NXT2: variants seen among roughly 807,000 people sequenced by gnomAD.
NXT2 encodes the protein NTF2-related export protein 2.
In NXT2, 1 loss-of-function variant was observed where a neutral mutation model predicts 9.6. The ratio of observed to expected loss-of-function variants is 0.10; its 90% CI spans 0.04 to 0.49. NXT2 has a LOEUF of 0.49. NXT2 is among the 20% of genes least tolerant of loss of function. The probability of loss-of-function intolerance (pLI) is 0.95; values close to 1 mark genes in which losing one functional copy is unlikely to be tolerated. For synonymous variants in NXT2, 22 were observed against 35.4 expected (o/e 0.62, Z 1.34); for missense variants, 48 against 100.3 (o/e 0.48, Z 2.23).
In NXT2 at chrX:109,544,102, C is replaced by G. The variant is rs746228866; in HGVS notation, c.*1414C>G. ...TCTCTTAATTTCTAAAGGTAAATAA[C>G]CTAGGTTCAGCTTTTGCTTAAACAT... On this transcript the variant is annotated 3_prime_UTR_variant, in exon 4 of 4. Coordinates refer to ENST00000372106, the MANE Select transcript of NXT2 (RefSeq NM_001242617.2). 8.9e-6 allele frequency: 1 copy of G among 112,343 alleles called. No individual in the cohort carries two copies. Among genetic ancestry groups the G allele is most frequent in the South Asian group, 3.7e-4 (1 of 2,736 alleles). The allele number at this position is 112,343 out of a possible 1,213,427, so 9.3% of individuals were successfully genotyped here.
rs1003600784 is a variant in NXT2 at position 109,542,925 on chromosome X, A to G, written c.*237A>G. The G allele has an allele frequency of 8.4e-6, 2 of 237,609 alleles. No individual in the cohort carries two copies. Among genetic ancestry groups the G allele is most frequent in the Non-Finnish European group, 1.5e-5 (2 of 133,910 alleles). The allele number at this position is 237,609 out of a possible 1,213,427, so 19.6% of individuals were successfully genotyped here. ...CCACTAATGACATTCTTATAATAATATTAAACACATGATCTTGGTACTAAC... is the reference window on the plus strand; with the variant it reads ...CCACTAATGACATTCTTATAATAATGTTAAACACATGATCTTGGTACTAAC... On this transcript the variant is annotated 3_prime_UTR_variant, in exon 4 of 4. Coordinates refer to ENST00000372106, the MANE Select transcript of NXT2 (RefSeq NM_001242617.2).
chrX:109,541,442 A>T (rs201313535), intron 2 of NXT2, 33 bp from the exon 3 acceptor site: 1 of 1,139,828 alleles, frequency 8.8e-7, no homozygotes, highest in Non-Finnish European at 1.2e-6. Context: ...AAACAGAATT[A>T]TTTCCCTTTT....
chrX:109,536,009 T>C (rs372800448), upstream of NXT2: 132 of 1,100,954 alleles, frequency 1.2e-4, no homozygotes, highest in Non-Finnish European at 1.6e-4. Context: ...AATTTGCCAT[T>C]TAAATCAGAA....
chrX:109,536,831 T>C, upstream of NXT2: 1 of 1,111,231 alleles, frequency 9.0e-7, no homozygotes, highest in Non-Finnish European at 1.2e-6. Flanking sequence ...AACATCGGTG[T>C]GCTTTTAACG....
chrX:109,542,215 C>A (rs896306936), intron 3 of NXT2, among the ~76,000 whole-genome samples: 1 of 110,920 alleles, frequency 9.0e-6, no homozygotes, highest in African/African-American at 3.3e-5. Context: ...AATATTAATT[C>A]TGAAATATTT....
chrX:109,539,338 G>A (rs1438994975), intron 2 of NXT2, among the ~76,000 whole-genome samples: 1 of 112,233 alleles, frequency 8.9e-6, no homozygotes, highest in Admixed American at 9.4e-5. Flanking sequence ...AAACATATGT[G>A]TGCATGTGTC....
intron 2 of NXT2, 27 bp from the exon 3 acceptor site, chrX:109,541,448 C>T: frequency 8.7e-7 from 1 of 1,146,263 alleles, no homozygotes; most frequent in Non-Finnish European, 1.2e-6. Flanking sequence ...AATTATTTCC[C>T]TTTTTTAAAT....
intron 2 of NXT2, 47 bp downstream of exon 2, chrX:109,538,178 T>C (rs374153486): frequency 3.6e-5 from 28 of 787,718 alleles, no homozygotes; most frequent in Non-Finnish European, 4.9e-5. Context: ...CTACTCTTTA[T>C]TAAATACCAG....
intron 1 of NXT2, among the ~76,000 whole-genome samples, chrX:109,537,837 A>G (rs1171736482): frequency 8.9e-6 from 1 of 112,403 alleles, no homozygotes; most frequent in Non-Finnish European, 1.9e-5. Context: ...ATTATGTCCT[A>G]AAGACATGCA....
intron 2 of NXT2, 151 bp from the exon 3 acceptor site, chrX:109,541,323 GT>G: frequency 2.4e-6 from 1 of 418,086 alleles, no homozygotes; most frequent in Non-Finnish European, 4.1e-6. Context: ...GTTCACATGG[GT>G]TTCCAGTGGA....
In NXT2 at chrX:109,543,599, C is replaced by T. The variant is rs754442244; in HGVS notation, c.*911C>T. 9 of 112,160 alleles carry T rather than the reference C, an allele frequency of 8.0e-5. No homozygotes were observed. Among genetic ancestry groups the T allele is most frequent in the Non-Finnish European group, 1.7e-4 (9 of 53,047 alleles). The allele number at this position is 112,160 out of a possible 1,213,427, so 9.2% of individuals were successfully genotyped here. A position where few individuals can be genotyped will look rare whatever the true frequency, so the allele number is the denominator to read the frequency against. On this transcript the variant is annotated 3_prime_UTR_variant, in exon 4 of 4. Coordinates refer to ENST00000372106, the MANE Select transcript of NXT2 (RefSeq NM_001242617.2). ...ATCCTTGCCAAGTGATCATGAGTGT[C>T]ATTTTTGTTCTAAGACTAATATTTT... is the stretch of plus-strand genomic sequence containing the variant.
rs779107277 is a variant in NXT2, at chrX:109,536,906, G to A, written c.-101G>A. Reference sequence around the variant, plus strand: ...AAATTTTGTGCGTTTGGCGGGTTTCGCTCTCTTCATAAGTATTGATCATTC... The same window carrying A: ...AAATTTTGTGCGTTTGGCGGGTTTCACTCTCTTCATAAGTATTGATCATTC... On this transcript the variant is annotated 5_prime_UTR_variant, in exon 1 of 4. Coordinates refer to ENST00000372106, the MANE Select transcript of NXT2 (RefSeq NM_001242617.2). 124 of 1,200,389 alleles carry A rather than the reference G, an allele frequency of 1.0e-4. No individual in the cohort carries two copies. The South Asian group carries it at 1.8e-3, about 18-fold the overall frequency.
upstream of NXT2, chrX:109,535,988 G>C: frequency 8.7e-7 from 1 of 1,146,140 alleles, no homozygotes; most frequent in Non-Finnish European, 1.2e-6. Flanking sequence ...GTAAAACTAC[G>C]ACATCTAATT....
intron 1 of NXT2, chrX:109,537,289 G>C (rs867053419): frequency 1.1e-6 from 1 of 950,263 alleles, no homozygotes; most frequent in African/African-American, 2.0e-5. Flanking sequence ...TTTATGGCTT[G>C]CAGTTTCTTT....
chrX:109,537,362 A>G, intron 1 of NXT2: 1 of 838,534 alleles, frequency 1.2e-6, no homozygotes, highest in East Asian at 8.4e-5. Flanking sequence ...CTGGCGATTC[A>G]TTGTTCTTAA....
At chrX:109,536,808 A>G, upstream of NXT2, 1 of 1,084,139 alleles carries the variant, frequency 9.2e-7, no homozygotes. Context: ...AGGGAAGTGG[A>G]ACTTAAGGTT....
At chrX:109,537,210 T>C in intron 1 of NXT2, 189 bp downstream of exon 1, 1 of 1,028,035 alleles carries the variant, frequency 9.7e-7, no homozygotes, top group Non-Finnish European at 1.2e-6. Context: ...TGGTTAGCAG[T>C]CGCTTTCTGA....
chrX:109,536,823 CATCGGTGT>C, upstream of NXT2: 1 of 1,103,330 alleles, frequency 9.1e-7, no homozygotes, highest in Non-Finnish European at 1.2e-6. Context: ...AAGGTTGGAA[CATCGGTGT>C]GCTTTTAACG....
intron 2 of NXT2, among the ~76,000 whole-genome samples, chrX:109,539,832 A>G (rs1040267010): frequency 4.5e-5 from 5 of 112,268 alleles, no homozygotes; most frequent in African/African-American, 1.6e-4. Context: ...TTTGCTGTGC[A>G]GAAGCTGTTT....
Sources: gnomAD v4.1 joint callset for allele counts (sites outside exome capture counted in the v4.1 genomes callset) on GRCh38, gnomAD v4.1.1 for gene constraint, MANE v1.5 for transcripts, NCBI Gene and HGNC (gene_info 2026-07-23, HGNC 2026-07-21) for gene names.